TNFSF4: variants seen among roughly 807,000 people sequenced by gnomAD.
TNFSF4 encodes the protein TNF superfamily member 4, also known as tumor necrosis factor ligand superfamily member 4.
In TNFSF4, 4 loss-of-function variants were observed where a neutral mutation model predicts 7.3. That is an observed-to-expected ratio of 0.55 (90% CI 0.27 to 1.25). The LOEUF is 1.25. Among genes scored for constraint, TNFSF4 ranks in the 50% most tolerant of loss-of-function variants. TNFSF4 has a pLI of 0.12. For missense variants in TNFSF4, 181 were observed against 208.8 expected (o/e 0.87, Z 0.82); for synonymous variants, 76 against 83.7 (o/e 0.91, Z 0.50).
chr1:173,313,635 G>T, the TNFSF4 span, among the ~76,000 whole-genome samples: 1 of 151,928 alleles, frequency 6.6e-6, no homozygotes, highest in Non-Finnish European at 1.5e-5. Context: ...TTTTTGAGAG[G>T]AGCATACTCC....
chr1:173,360,221 A>T, the TNFSF4 span, among the ~76,000 whole-genome samples: 343 of 152,360 alleles, frequency 2.3e-3, 2 homozygotes, highest in African/African-American at 7.8e-3. Flanking sequence ...GGTGAAGAGC[A>T]TATGCCCATG....
At chr1:173,442,773 A>C in the TNFSF4 span, among the ~76,000 whole-genome samples, 1 of 150,386 alleles carries the variant, frequency 6.6e-6, no homozygotes, top group Admixed American at 6.6e-5. Context: ...CTGGTCTCGA[A>C]CTCCTGAACT....
chr1:173,326,593 G>A, the TNFSF4 span, among the ~76,000 whole-genome samples: 29 of 152,154 alleles, frequency 1.9e-4, no homozygotes, highest in African/African-American at 6.5e-4. Context: ...GTTTGCAGAC[G>A]ACATGATTGT....
the TNFSF4 span, among the ~76,000 whole-genome samples, chr1:173,400,539 G>A: frequency 6.6e-6 from 1 of 152,294 alleles, no homozygotes; most frequent in Non-Finnish European, 1.5e-5. Flanking sequence ...GAACAACAAT[G>A]GTTCCATTGA....
the TNFSF4 span, among the ~76,000 whole-genome samples, chr1:173,385,849 G>GA: frequency 5.5e-4 from 77 of 140,988 alleles, no homozygotes; most frequent in Admixed American, 7.7e-4. Flanking sequence ...CTCAGAAAAA[G>GA]AAAAAAAAAA....
chr1:173,247,047 C>T, the TNFSF4 span, among the ~76,000 whole-genome samples: 32 of 152,306 alleles, frequency 2.1e-4, no homozygotes, highest in African/African-American at 7.5e-4. Context: ...CTCTCCTCCC[C>T]TACCAAACCT....
chr1:173,423,038 G>A, the TNFSF4 span, among the ~76,000 whole-genome samples: 2 of 150,832 alleles, frequency 1.3e-5, no homozygotes, highest in African/African-American at 2.4e-5. Context: ...GTGAGATCTC[G>A]GCTTACTGCA....
chr1:173,351,694 A>G, the TNFSF4 span: 2 of 344,816 alleles, frequency 5.8e-6, no homozygotes, highest in Non-Finnish European at 1.0e-5. Context: ...GCCCATATCA[A>G]TGTTCAATCC....
At chr1:173,317,150 G>A in the TNFSF4 span, among the ~76,000 whole-genome samples, 3 of 152,166 alleles carry the variant, frequency 2.0e-5, no homozygotes, top group African/African-American at 7.2e-5. Flanking sequence ...CACTGTGCTG[G>A]AGAAGCCATG....
At chr1:173,287,102 G>A in the TNFSF4 span, among the ~76,000 whole-genome samples, 2 of 152,162 alleles carry the variant, frequency 1.3e-5, no homozygotes, top group African/African-American at 2.4e-5. Context: ...AAGATTGCTT[G>A]AGGCCAGGAG....
At chr1:173,295,887 C>T in the TNFSF4 span, among the ~76,000 whole-genome samples, 3 of 151,940 alleles carry the variant, frequency 2.0e-5, no homozygotes, top group African/African-American at 4.8e-5. Context: ...ATTTGTATGG[C>T]TCTGATAGGG....
At chr1:173,399,514 T>C in the TNFSF4 span, among the ~76,000 whole-genome samples, 1 of 152,052 alleles carries the variant, frequency 6.6e-6, no homozygotes, top group East Asian at 1.9e-4. Flanking sequence ...GCCACTGGTT[T>C]AGCTGGAAGG....
chr1:173,302,221 G>C, the TNFSF4 span, among the ~76,000 whole-genome samples: 2 of 151,854 alleles, frequency 1.3e-5, no homozygotes, highest in African/African-American at 4.8e-5. Flanking sequence ...GCTAGCATTT[G>C]TGTAAGACCC....
the TNFSF4 span, among the ~76,000 whole-genome samples, chr1:173,322,882 G>C: frequency 6.6e-6 from 1 of 152,170 alleles, no homozygotes; most frequent in African/African-American, 2.4e-5. Context: ...TAAACAAAGC[G>C]GCAGGGAAGC....
chr1:173,440,028 G>A, the TNFSF4 span, among the ~76,000 whole-genome samples: 1 of 152,150 alleles, frequency 6.6e-6, no homozygotes, highest in Non-Finnish European at 1.5e-5. Context: ...CTTTGGCATA[G>A]CTTCATAGTT....
the TNFSF4 span, among the ~76,000 whole-genome samples, chr1:173,284,787 T>C: frequency 6.6e-6 from 1 of 152,274 alleles, no homozygotes; most frequent in East Asian, 1.9e-4. Context: ...AGTCCATTAT[T>C]AACACCTACT....
At chr1:173,201,421 T>A (rs990011489) in intron 1 of TNFSF4, among the ~76,000 whole-genome samples, 4 of 152,200 alleles carry the variant, frequency 2.6e-5, no homozygotes, top group Non-Finnish European at 5.9e-5. Context: ...AGTTACAGTG[T>A]GTGTGTATGT....
At chr1:173,279,818 C>T in the TNFSF4 span, among the ~76,000 whole-genome samples, 19,963 of 152,134 alleles carry the variant, frequency 0.13, 1,701 homozygotes, top group African/African-American at 0.24. Flanking sequence ...CTTTGTAACA[C>T]CCTTGACAAC....
the TNFSF4 span, among the ~76,000 whole-genome samples, chr1:173,322,494 C>A: frequency 6.6e-6 from 1 of 152,134 alleles, no homozygotes; most frequent in Admixed American, 6.5e-5. Flanking sequence ...GCATTTCCAA[C>A]TGAGGTACCG....
Sources: allele counts gnomAD v4.1 joint callset (sites outside exome capture counted in the v4.1 genomes callset), GRCh38; gene constraint gnomAD v4.1.1; transcripts MANE v1.5; gene names NCBI Gene and HGNC (gene_info 2026-07-23, HGNC 2026-07-21).